FIG4: variants seen among roughly 807,000 people sequenced by gnomAD.
The protein encoded by FIG4 is FIG4 phosphoinositide 5-phosphatase.
Under a neutral mutation model 118.6 loss-of-function variants are expected in FIG4, and 112 were observed. That is an observed-to-expected ratio of 0.94 (90% CI 0.81 to 1.11). The LOEUF is 1.11. Among genes scored for constraint, FIG4 ranks in the 50% least tolerant of loss-of-function variants. The pLI, the probability that FIG4 is intolerant of heterozygous loss-of-function variation, is 0.00. For missense variants in FIG4, 969 were observed against 1,111.7 expected (o/e 0.87, Z 1.83); for synonymous variants, 369 against 381.2 (o/e 0.97, Z 0.37).
chr6:109,704,031 C>T, intron 1 of FIG4, among the ~76,000 whole-genome samples: 1 of 152,114 alleles, frequency 6.6e-6, no homozygotes, highest in East Asian at 1.9e-4. Flanking sequence ...GCTGATGGCA[C>T]CCACTGAGCT....
At chr6:109,753,368 A>C (rs566660522) in intron 10 of FIG4, among the ~76,000 whole-genome samples, 1 of 151,998 alleles carries the variant, frequency 6.6e-6, no homozygotes, top group African/African-American at 2.4e-5. Context: ...GTTTGAAGTC[A>C]GGTAGCGTGA....
chr6:109,769,631 A>C (rs1354270515), intron 15 of FIG4, among the ~76,000 whole-genome samples: 1 of 152,056 alleles, frequency 6.6e-6, no homozygotes, highest in Non-Finnish European at 1.5e-5. Flanking sequence ...ATTAAAAAAA[A>C]AAAAAAGCGC....
At chr6:109,789,475 T>C in intron 18 of FIG4, 119 bp from the exon 19 acceptor site, 1 of 766,804 alleles carries the variant, frequency 1.3e-6, no homozygotes, top group Non-Finnish European at 2.3e-6. Context: ...GCTCAGAATA[T>C]GTAATATGTA....
chr6:109,760,210 A>G, intron 10 of FIG4, 40 bp from the exon 11 acceptor site: 2 of 1,575,766 alleles, frequency 1.3e-6, no homozygotes, highest in Non-Finnish European at 1.7e-6. Context: ...CTCTGATTTA[A>G]GGAAATTAGA....
At chr6:109,806,795 C>T (rs1296010548) in intron 22 of FIG4, among the ~76,000 whole-genome samples, 1 of 152,076 alleles carries the variant, frequency 6.6e-6, no homozygotes, top group African/African-American at 2.4e-5. Flanking sequence ...CCGCAACAGG[C>T]CCTCCCTGTG....
At chr6:109,728,714 C>T (rs770496059) in intron 4 of FIG4, among the ~76,000 whole-genome samples, 5 of 152,068 alleles carry the variant, frequency 3.3e-5, no homozygotes, top group Non-Finnish European at 7.4e-5. Context: ...CTTTGTCTTG[C>T]ACTAACTGAA....
intron 10 of FIG4, among the ~76,000 whole-genome samples, chr6:109,746,000 T>C (rs1041967733): frequency 2.6e-5 from 4 of 152,162 alleles, no homozygotes; most frequent in Non-Finnish European, 4.4e-5. Context: ...GACTTCAAAC[T>C]ATACTACAAG....
chr6:109,772,603 T>C (rs1777501646), intron 15 of FIG4, among the ~76,000 whole-genome samples: 1 of 152,104 alleles, frequency 6.6e-6, no homozygotes, highest in Admixed American at 6.5e-5. Context: ...ATTACAAGCA[T>C]GTGCCACCAC....
chr6:109,794,769 A>G (rs1184375561), intron 21 of FIG4, among the ~76,000 whole-genome samples: 1 of 152,176 alleles, frequency 6.6e-6, no homozygotes, highest in Non-Finnish European at 1.5e-5. Context: ...GTTTGTGCAC[A>G]TAGTAGACAG....
At position 109,704,903 on chromosome 6, in the gene FIG4, A is replaced by G. The variant is rs192413061; in HGVS notation, c.67-10175A>G. On this transcript the variant is annotated intron_variant, in intron 1 of 22. Coordinates refer to ENST00000230124, the MANE Select transcript of FIG4 (RefSeq NM_014845.6). The stretch of plus-strand genomic sequence containing the variant: ...ATTGGAATATAAATTGTACATATAT[A>G]TTGTATTGATGATATTATGATTATG... Among the ~76,000 whole-genome samples, 1,083 of 152,200 alleles carry G rather than the reference A, an allele frequency of 7.1e-3. 9 individuals are homozygous for G. The highest frequency in any genetic ancestry group is 0.012 in the Non-Finnish European group (826 of 68,006).
chr6:109,742,473 G>A (rs1369158900), intron 8 of FIG4, among the ~76,000 whole-genome samples: 3 of 152,002 alleles, frequency 2.0e-5, no homozygotes, highest in African/African-American at 7.2e-5. Flanking sequence ...GAGGCACTGG[G>A]TTTTGATCCT....
chr6:109,743,508 AAAT>A, intron 9 of FIG4, 164 bp from the exon 10 acceptor site: 1 of 680,158 alleles, frequency 1.5e-6, no homozygotes, highest in Non-Finnish European at 2.6e-6. Context: ...CAAATGTAAT[AAAT>A]ACATGATGAA....
At chr6:109,815,151 AC>A (rs1394973576) in intron 22 of FIG4, among the ~76,000 whole-genome samples, 1 of 151,940 alleles carries the variant, frequency 6.6e-6, no homozygotes, top group African/African-American at 2.4e-5. Context: ...GACTCCCATT[AC>A]CCTCGTTATG....
At chr6:109,787,606 C>A (rs531676405) in intron 18 of FIG4, among the ~76,000 whole-genome samples, 1 of 152,088 alleles carries the variant, frequency 6.6e-6, no homozygotes, top group Admixed American at 6.6e-5. Context: ...GAAATGATGT[C>A]GGAAAAAACA....
In FIG4 at chr6:109,812,972, AT is replaced by A. The variant is rs573064395; in HGVS notation, c.2547-12113del. On this transcript the variant is annotated intron_variant, in intron 22 of 22. Transcript: ENST00000230124. ...TTTTGTATTCTTATGTAAATCTAGA[AT>A]TTCATTATCTTTGGTGTTGATTAGT... Among the ~76,000 whole-genome samples the A allele has an allele frequency of 3.2e-3, 483 of 152,316 alleles. 3 individuals carry two copies. The highest frequency in any genetic ancestry group is 0.011 in the African/African-American group (469 of 41,570).
At chr6:109,823,733 G>T (rs1303934352) in intron 22 of FIG4, among the ~76,000 whole-genome samples, 1 of 152,058 alleles carries the variant, frequency 6.6e-6, no homozygotes, top group South Asian at 2.1e-4. Flanking sequence ...GGCATCCAGG[G>T]TGCATTTCTG....
chr6:109,737,818 G>C (rs1311229654), intron 6 of FIG4, among the ~76,000 whole-genome samples: 1 of 152,032 alleles, frequency 6.6e-6, no homozygotes, highest in Non-Finnish European at 1.5e-5. Context: ...GGCCCCTTAC[G>C]TGCCTTATTA....
At chr6:109,794,072 A>G (rs1778210855) in intron 21 of FIG4, among the ~76,000 whole-genome samples, 2 of 152,242 alleles carry the variant, frequency 1.3e-5, no homozygotes, top group South Asian at 4.1e-4. Flanking sequence ...GAATGAGTGT[A>G]TGTGCCAAGG....
In FIG4 at chr6:109,698,883, G is replaced by A. The variant is rs1774816118; in HGVS notation, c.66+7382G>A. On this transcript the variant is annotated intron_variant, in intron 1 of 22. Transcript: ENST00000230124. ...TTTTATATATTGCTAGATTCTATAT[G>A]CTAATATTTTGTTAAGAATCTTTGC... Among the ~76,000 whole-genome samples, 7 of 152,054 alleles carry A rather than the reference G, an allele frequency of 4.6e-5. No individual in the cohort carries two copies. In the South Asian group the frequency reaches 1.5e-3, roughly 32 times the overall value.
Sources: allele counts gnomAD v4.1 joint callset (sites outside exome capture counted in the v4.1 genomes callset), GRCh38; gene constraint gnomAD v4.1.1; transcripts MANE v1.5; gene names NCBI Gene and HGNC (gene_info 2026-07-23, HGNC 2026-07-21).